Variants in EDDM13 observed in about 807,000 individuals in gnomAD.
EDDM13 encodes the protein epididymal protein 13.
Under a neutral mutation model 17.8 loss-of-function variants are expected in EDDM13, and 24 were observed. The ratio of observed to expected loss-of-function variants is 1.35; its 90% CI spans 0.98 to 1.90. EDDM13 has a LOEUF of 1.90. Ranked by LOEUF, EDDM13 falls within the 40% of genes most tolerant of loss-of-function variation. EDDM13 has a pLI of 0.00. For synonymous variants in EDDM13, 31 were observed against 37.5 expected (o/e 0.83, Z 0.63); for missense variants, 97 against 100.8 (o/e 0.96, Z 0.16).
intron 14 of EDDM13, among the ~76,000 whole-genome samples, chr19:56,309,155 G>A (rs558982067): frequency 1.1e-3 from 162 of 152,252 alleles, no homozygotes; most frequent in African/African-American, 3.6e-3. Context: ...GCAACAACAC[G>A]GCTGAACCTT....
At chr19:56,306,045 T>C (rs1406241123) in intron 14 of EDDM13, among the ~76,000 whole-genome samples, 2 of 151,798 alleles carry the variant, frequency 1.3e-5, no homozygotes, top group Admixed American at 6.6e-5. Context: ...ACCTCAGACC[T>C]GGAAGATTAG....
At chr19:56,302,553 C>CTCCT (rs2040361127) in intron 13 of EDDM13, among the ~76,000 whole-genome samples, 3 of 119,738 alleles carry the variant, frequency 2.5e-5, no homozygotes, top group African/African-American at 1.1e-4. Context: ...CCGTTCCTCC[C>CTCCT]TCCCTCCCCC....
intron 6 of EDDM13, among the ~76,000 whole-genome samples, chr19:56,286,862 G>A (rs780764672): frequency 8.5e-5 from 13 of 152,184 alleles, no homozygotes; most frequent in South Asian, 2.1e-4. Context: ...GAATGCTAGT[G>A]GGGCTTCCCA....
chr19:56,293,636 G>A (rs1159836214), intron 9 of EDDM13, among the ~76,000 whole-genome samples: 2 of 152,220 alleles, frequency 1.3e-5, no homozygotes, highest in African/African-American at 2.4e-5. Flanking sequence ...AATAGTTCCA[G>A]CCTCATATGG....
Position 56,302,581 on chromosome 19 carries a change from C to CCTCTTCCTTTTCTTCCTCCCCCTCTT in EDDM13, c.423+487_423+488insTCTTCCTTTTCTTCCTCCCCCTCTTC, listed in dbSNP as rs1555807487. On this transcript the variant is annotated intron_variant, in intron 13 of 14. Coordinates refer to ENST00000649256, the MANE Select transcript of EDDM13 (RefSeq NM_001354658.2). The stretch of plus-strand genomic sequence containing the variant: ...CCTCCCCCCTTCCTTTTCTTCCTCC[C>CCTCTTCCTTTTCTTCCTCCCCCTCTT]CCTTTTCTTCCTCTCCCTCTTCTTC... Among the ~76,000 whole-genome samples, 2 of 39,990 alleles carry CCTCTTCCTTTTCTTCCTCCCCCTCTT rather than the reference C, an allele frequency of 5.0e-5. 1 individual carries two copies. The highest frequency in any genetic ancestry group is 3.5e-4 in the African/African-American group (2 of 5,734). The allele number at this position is 39,990 out of a possible 152,430, so 26.2% of individuals were successfully genotyped here.
intron 2 of EDDM13, among the ~76,000 whole-genome samples, chr19:56,277,677 G>T (rs1468490003): frequency 6.6e-6 from 1 of 152,040 alleles, no homozygotes; most frequent in Non-Finnish European, 1.5e-5. Context: ...CATGGTATGT[G>T]AATTATATCT....
intron 7 of EDDM13, among the ~76,000 whole-genome samples, chr19:56,288,668 C>T (rs948292593): frequency 2.0e-5 from 3 of 152,148 alleles, no homozygotes; most frequent in Non-Finnish European, 4.4e-5. Context: ...TGTTAGAAGG[C>T]GTGACTGAGT....
At chr19:56,294,887 T>TAG (rs2039756180) in intron 9 of EDDM13, among the ~76,000 whole-genome samples, 1 of 152,056 alleles carries the variant, frequency 6.6e-6, no homozygotes, top group Non-Finnish European at 1.5e-5. Context: ...CAAAAGCACA[T>TAG]AGGGTATGAC....
intron 13 of EDDM13, chr19:56,302,780 C>A: frequency 2.5e-6 from 1 of 398,044 alleles, no homozygotes; most frequent in Non-Finnish European, 4.4e-6. Context: ...CCCAGGGGCT[C>A]CTTTGAAATA....
chr19:56,301,104 C>A (rs2040199991), intron 12 of EDDM13, among the ~76,000 whole-genome samples: 1 of 151,996 alleles, frequency 6.6e-6, no homozygotes, highest in African/African-American at 2.4e-5. Context: ...AGAGAGGGTT[C>A]TTGAATCTCG....
At chr19:56,307,301 A>G (rs1356611404) in intron 14 of EDDM13, among the ~76,000 whole-genome samples, 1 of 152,076 alleles carries the variant, frequency 6.6e-6, no homozygotes, top group Admixed American at 6.6e-5. Context: ...CATACGATAT[A>G]CCCCCACCCC....
At chr19:56,307,333 C>A (rs1023811491) in intron 14 of EDDM13, among the ~76,000 whole-genome samples, 2 of 152,112 alleles carry the variant, frequency 1.3e-5, no homozygotes, top group Non-Finnish European at 2.9e-5. Flanking sequence ...CTGCTTAAAT[C>A]CACCAGTGGA....
intron 1 of EDDM13, among the ~76,000 whole-genome samples, chr19:56,275,884 G>C (rs1264661708): frequency 6.6e-6 from 1 of 152,260 alleles, no homozygotes; most frequent in African/African-American, 2.4e-5. Context: ...TTGGATGGAT[G>C]ATGAACGAAT....
intron 2 of EDDM13, among the ~76,000 whole-genome samples, 190 bp from the exon 3 acceptor site, chr19:56,281,503 A>G (rs1043810553): frequency 1.3e-5 from 2 of 152,216 alleles, no homozygotes; most frequent in Non-Finnish European, 2.9e-5. Flanking sequence ...TTATGTGACA[A>G]ACTACATAAA....
chr19:56,293,783 C>T (rs902603507), intron 9 of EDDM13, among the ~76,000 whole-genome samples: 6 of 152,108 alleles, frequency 3.9e-5, no homozygotes, highest in African/African-American at 7.2e-5. Flanking sequence ...GGGAGGCTAA[C>T]GGCATCTAAT....
At chr19:56,308,649 C>T (rs182492020) in intron 14 of EDDM13, among the ~76,000 whole-genome samples, 1 of 151,196 alleles carries the variant, frequency 6.6e-6, no homozygotes, top group East Asian at 2.0e-4. Flanking sequence ...TGATTCCCCC[C>T]AAAACATCAC....
intron 2 of EDDM13, among the ~76,000 whole-genome samples, chr19:56,279,740 C>T (rs1274513250): frequency 6.6e-6 from 1 of 152,090 alleles, no homozygotes; most frequent in African/African-American, 2.4e-5. Context: ...TATGTTAGTT[C>T]CTTCCTATCT....
chr19:56,282,264 T>C (rs2038770186), intron 3 of EDDM13, among the ~76,000 whole-genome samples: 1 of 152,180 alleles, frequency 6.6e-6, no homozygotes, highest in African/African-American at 2.4e-5. Context: ...CTGGTACCCC[T>C]GAAGTTTCTG....
intron 11 of EDDM13, among the ~76,000 whole-genome samples, chr19:56,296,605 G>T (rs1448560316): frequency 6.6e-6 from 1 of 152,074 alleles, no homozygotes; most frequent in Admixed American, 6.6e-5. Context: ...AAAACAGACA[G>T]AAGTCTGTGA....
Sources: gnomAD v4.1 joint callset for allele counts (sites outside exome capture counted in the v4.1 genomes callset) on GRCh38, gnomAD v4.1.1 for gene constraint, MANE v1.5 for transcripts, NCBI Gene and HGNC (gene_info 2026-07-23, HGNC 2026-07-21) for gene names.